Variants in DAD1 observed in about 807,000 individuals in gnomAD.
The protein encoded by DAD1 is dolichyl-diphosphooligosaccharide--protein glycosyltransferase subunit DAD1.
A neutral mutation model predicts 9.0 loss-of-function variants in DAD1; 4 were observed. The observed-to-expected ratio is 0.44, with a 90% CI of 0.22 to 1.01. The LOEUF is 1.01. DAD1 is among the 50% of genes least tolerant of loss of function. The pLI is 0.24. For synonymous variants in DAD1, 60 were observed against 62.5 expected, an observed-to-expected ratio of 0.96 and a Z score of 0.19; for missense variants, 119 against 137.3, an observed-to-expected ratio of 0.87 and a Z score of 0.67.
chr14:22,578,844 A>C (rs1478148365), intron 1 of DAD1, among the ~76,000 whole-genome samples: 1 of 152,192 alleles, frequency 6.6e-6, no homozygotes, highest in Non-Finnish European at 1.5e-5. Context: ...ACTGAAACCT[A>C]GAGGCTTTCT....
In DAD1 at chr14:22,589,220, G is replaced by C; in HGVS notation, c.-63C>G. ...CTTGGAGGACCCGTCGACCACACCG[G>C]ATGTGCTGTTTGCGCATGCGCACCC... On this transcript the variant is annotated 5_prime_UTR_variant, in exon 1 of 3. The change creates a new upstream start codon in the 5' untranslated region. Coordinates refer to ENST00000250498, the MANE Select transcript of DAD1 (RefSeq NM_001344.4). 1 of 1,561,768 alleles carries C rather than the reference G, an allele frequency of 6.4e-7. No individual in the cohort carries two copies. The highest frequency in any genetic ancestry group is 8.8e-7 in the Non-Finnish European group (1 of 1,137,478).
chr14:22,570,754 A>T (rs1435445720), intron 2 of DAD1, among the ~76,000 whole-genome samples: 1 of 152,180 alleles, frequency 6.6e-6, no homozygotes, highest in East Asian at 1.9e-4. Flanking sequence ...CAAACACTGA[A>T]TTTTTTAAGA....
At chr14:22,577,973 GC>G (rs1314513128) in intron 1 of DAD1, among the ~76,000 whole-genome samples, 3 of 152,218 alleles carry the variant, frequency 2.0e-5, no homozygotes, top group African/African-American at 7.2e-5. Context: ...CAAAAAAAAG[GC>G]CGGGCACGGT....
At chr14:22,568,174 CA>C (rs1385877414) in intron 2 of DAD1, among the ~76,000 whole-genome samples, 3 of 152,126 alleles carry the variant, frequency 2.0e-5, no homozygotes, top group Admixed American at 2.0e-4. Context: ...AAAGTTTCAC[CA>C]AGGTGTAATT....
intron 1 of DAD1, 36 bp from the exon 2 acceptor site, chr14:22,575,269 T>C (rs769765179): frequency 2.5e-6 from 4 of 1,606,990 alleles, no homozygotes; most frequent in Non-Finnish European, 2.6e-6. Flanking sequence ...AATGATTATA[T>C]AGAAGTATAA....
At chr14:22,581,667 C>T (rs2037116650) in intron 1 of DAD1, among the ~76,000 whole-genome samples, 1 of 138,704 alleles carries the variant, frequency 7.2e-6, no homozygotes, top group Admixed American at 7.9e-5. Context: ...CGCTTGAACC[C>T]GGGAGGCGGA....
intron 1 of DAD1, among the ~76,000 whole-genome samples, chr14:22,576,843 T>C (rs999228130): frequency 5.3e-5 from 8 of 151,972 alleles, no homozygotes; most frequent in African/African-American, 1.2e-4. Context: ...AAAGAAGATA[T>C]AGGAATGGCC....
intron 1 of DAD1, among the ~76,000 whole-genome samples, chr14:22,585,302 CAA>C (rs1168476708): frequency 2.0e-5 from 3 of 152,128 alleles, no homozygotes; most frequent in Non-Finnish European, 4.4e-5. Flanking sequence ...GTTTCAAGAC[CAA>C]AGACTTATTT....
At chr14:22,573,449 G>A (rs185493460) in intron 2 of DAD1, among the ~76,000 whole-genome samples, 1 of 152,058 alleles carries the variant, frequency 6.6e-6, no homozygotes, top group Admixed American at 6.5e-5. Flanking sequence ...AGAACAAAGT[G>A]GTTCTTAAAA....
At chr14:22,583,286 CTCAG>C in intron 1 of DAD1, among the ~76,000 whole-genome samples, 1 of 152,142 alleles carries the variant, frequency 6.6e-6, no homozygotes. Flanking sequence ...CAACCATGCT[CTCAG>C]TCAGAGAAGC....
At chr14:22,569,088 C>T (rs2037020673) in intron 2 of DAD1, among the ~76,000 whole-genome samples, 2 of 152,188 alleles carry the variant, frequency 1.3e-5, no homozygotes, top group African/African-American at 4.8e-5. Context: ...GTACCACTTT[C>T]CATGTTTTAG....
At chr14:22,567,442 A>G (rs957200591) in intron 2 of DAD1, among the ~76,000 whole-genome samples, 1 of 152,360 alleles carries the variant, frequency 6.6e-6, no homozygotes, top group South Asian at 2.1e-4. Context: ...CTCAATTTGA[A>G]TCACCAGTTT....
intron 1 of DAD1, among the ~76,000 whole-genome samples, 187 bp from the exon 2 acceptor site, chr14:22,575,420 C>G: frequency 6.6e-6 from 1 of 152,032 alleles, no homozygotes; most frequent in East Asian, 1.9e-4. Context: ...TAATGTCTAT[C>G]AACAGTAAAA....
chr14:22,578,513 G>A (rs1181525845), intron 1 of DAD1, among the ~76,000 whole-genome samples: 1 of 152,232 alleles, frequency 6.6e-6, no homozygotes, highest in African/African-American at 2.4e-5. Flanking sequence ...GTTGCAGTGA[G>A]CCGAGATTGC....
At chr14:22,565,433 C>T (rs925558143) in intron 2 of DAD1, among the ~76,000 whole-genome samples, 2 of 149,736 alleles carry the variant, frequency 1.3e-5, no homozygotes, top group African/African-American at 2.5e-5. Context: ...AGCCGCAAGA[C>T]TTCACATAAG....
At chr14:22,583,872 A>G (rs2037134764) in intron 1 of DAD1, among the ~76,000 whole-genome samples, 1 of 152,110 alleles carries the variant, frequency 6.6e-6, no homozygotes, top group South Asian at 2.1e-4. Context: ...AGGAATTCTT[A>G]TCTACTTCTT....
At chr14:22,579,220 CA>C (rs5807179) in intron 1 of DAD1, among the ~76,000 whole-genome samples, 62 of 123,948 alleles carry the variant, frequency 5.0e-4, no homozygotes, top group Non-Finnish European at 5.0e-4. Context: ...TCACCATTGA[CA>C]AAAAAAAAAA....
intron 2 of DAD1, among the ~76,000 whole-genome samples, chr14:22,573,372 G>A (rs1211712231): frequency 2.0e-5 from 3 of 152,080 alleles, no homozygotes; most frequent in African/African-American, 7.2e-5. Context: ...GGGGAGGGAG[G>A]AAGGGAGGAA....
At chr14:22,583,230 ATTTAAG>A (rs71115560) in intron 1 of DAD1, among the ~76,000 whole-genome samples, 12,082 of 152,072 alleles carry the variant, frequency 0.079, 608 homozygotes, top group African/African-American at 0.15. Flanking sequence ...TACAGGTGTT[ATTTAAG>A]TTTATCTATT....
Sources: gnomAD v4.1 joint callset for allele counts (sites outside exome capture counted in the v4.1 genomes callset) on GRCh38, gnomAD v4.1.1 for gene constraint, MANE v1.5 for transcripts, NCBI Gene and HGNC (gene_info 2026-07-23, HGNC 2026-07-21) for gene names.